Variants in MAP4 observed in about 807,000 individuals in gnomAD.
MAP4 encodes the protein microtubule-associated protein 4.
MAP4 carries 76 observed loss-of-function variants against 170.2 expected under a neutral mutation model. That is an observed-to-expected ratio of 0.45 (90% CI 0.37 to 0.54). The LOEUF (loss-of-function observed/expected upper bound fraction) is 0.54, where lower values mean the gene tolerates loss of function less well. MAP4 is among the 20% of genes least tolerant of loss of function. The pLI is 0.00. For synonymous variants in MAP4, 909 were observed against 994.5 expected, an observed-to-expected ratio of 0.91 and a Z score of 1.62; for missense variants, 2,506 against 2,748.0, an observed-to-expected ratio of 0.91 and a Z score of 1.97.
intron 1 of MAP4, among the ~76,000 whole-genome samples, chr3:48,012,854 TCTTTA>T (rs1428867391): frequency 1.3e-5 from 2 of 152,172 alleles, no homozygotes; most frequent in African/African-American, 4.8e-5. Context: ...GTTAAGCTAT[TCTTTA>T]CTTGTCACCA....
At position 47,851,488 on chromosome 3, in the gene MAP4, CA is replaced by C. The variant is rs1341720410; in HGVS notation, c.*1445del. 1 of 151,764 alleles carries C rather than the reference CA, an allele frequency of 6.6e-6. No individual in the cohort carries two copies. The highest frequency in any genetic ancestry group is 1.9e-4 in the East Asian group (1 of 5,138). The allele number at this position is 151,764 out of a possible 1,614,324, so 9.4% of individuals were successfully genotyped here. A position where few individuals can be genotyped will look rare whatever the true frequency, so the allele number is the denominator to read the frequency against. ...AAGTCTGGGGCAGCCTCCTCAGAGG[CA>C]AATCTACACTGCAGCCAATCCCCCT... On this transcript the variant is annotated 3_prime_UTR_variant, in exon 21 of 21. Transcript: ENST00000683076.
rs1276711677 is a variant in MAP4 at position 47,911,608 on chromosome 3, G to A, written c.2813C>T (p.Thr938Ile). 1 of 1,536,086 alleles carries A rather than the reference G, an allele frequency of 6.5e-7. No individual in the cohort carries two copies. The highest frequency in any genetic ancestry group is 2.0e-5 in the Admixed American group (1 of 51,002). ...CTCTTTAAGTCTGATATCCAAAGGG[G>A]TTTCTACATTGTATGCAGAAACTTC... The part of the protein sequence containing the change: ...LAEVSAYNVE[T>I]PLDIRLKEGC... The change falls in exon 9 of 21, where the codon ACC becomes ATC. Residue 938 changes from threonine to isoleucine, a missense_variant. Thr to Ile is a moderately conservative substitution (Grantham distance 89, BLOSUM62 -1). This residue lies in a region of MAP4 where 2,008 missense variants were observed against 2,206.0 expected (regional missense o/e 0.91). Coordinates refer to ENST00000683076, the MANE Select transcript of MAP4 (RefSeq NM_001385682.1). The surrounding 1 kb of genome is among the most constrained non-coding windows in gnomAD (Gnocchi z 4.0).
chr3:47,987,766 T>C (rs1305865257), intron 2 of MAP4, among the ~76,000 whole-genome samples: 1 of 152,196 alleles, frequency 6.6e-6, no homozygotes, highest in African/African-American at 2.4e-5. Context: ...ACTGGATTTG[T>C]CCTTGGCAAC....
intron 3 of MAP4, among the ~76,000 whole-genome samples, chr3:47,932,521 G>A (rs1255724951): frequency 2.0e-5 from 3 of 151,988 alleles, no homozygotes; most frequent in Non-Finnish European, 4.4e-5. Context: ...AAATGGCTGC[G>A]TCATTTTACA....
intron 2 of MAP4, among the ~76,000 whole-genome samples, chr3:47,979,983 C>T (rs1279165252): frequency 2.6e-5 from 4 of 151,984 alleles, no homozygotes; most frequent in Non-Finnish European, 5.9e-5. Context: ...TGCTACCACG[C>T]CTGCCTAATT....
At chr3:47,892,751 A>G in intron 10 of MAP4, 1 of 1,296,148 alleles carries the variant, frequency 7.7e-7, no homozygotes. Flanking sequence ...TGCTACTTTA[A>G]TCTGAGAATG....
At chr3:47,987,483 C>T (rs2100089463) in intron 2 of MAP4, 1 of 1,248,764 alleles carries the variant, frequency 8.0e-7, no homozygotes, top group Admixed American at 2.6e-5. Context: ...AAAGTTACAT[C>T]TAAATCCAAT....
chr3:48,083,609 C>T (rs1360584700), intron 1 of MAP4, among the ~76,000 whole-genome samples: 2 of 151,950 alleles, frequency 1.3e-5, no homozygotes, highest in East Asian at 3.9e-4. Context: ...TCTTGATCTG[C>T]CCACCTCAGC....
chr3:47,867,629 G>A (rs1286139854), intron 16 of MAP4, among the ~76,000 whole-genome samples: 3 of 152,218 alleles, frequency 2.0e-5, no homozygotes, highest in South Asian at 2.1e-4. Flanking sequence ...TGGTTCACAA[G>A]GCCCAGGCAG....
chr3:47,875,715 G>A lies in MAP4; in HGVS notation c.5727C>T (p.Ser1909=), dbSNP rs1312848220. The A allele has an allele frequency of 6.2e-7, 1 of 1,613,360 alleles. No homozygotes were observed. The highest frequency in any genetic ancestry group is 1.7e-5 in the Admixed American group (1 of 59,940). ...KRPAVASARP[S]ILPSKDVKPK... is the part of the protein sequence containing the mutation. Reference sequence around the variant, plus strand: ...GCTTCACGTCTTTTGAAGGTAAGATGGAAGGCCTGGCAGAGGCGACGGCAG... The same window carrying A: ...GCTTCACGTCTTTTGAAGGTAAGATAGAAGGCCTGGCAGAGGCGACGGCAG... The change falls in exon 12 of 21, where the codon TCC becomes TCT. Residue 1909 remains serine (S), a synonymous_variant. Transcript: ENST00000683076.
intron 2 of MAP4, among the ~76,000 whole-genome samples, chr3:47,986,544 T>G (rs2100088828): frequency 6.6e-6 from 1 of 152,112 alleles, no homozygotes; most frequent in Non-Finnish European, 1.5e-5. Context: ...TTTTGCCATG[T>G]TGGCCAGGCT....
chr3:48,005,533 G>A (rs2100101824), intron 1 of MAP4, among the ~76,000 whole-genome samples: 1 of 152,154 alleles, frequency 6.6e-6, no homozygotes, highest in South Asian at 2.1e-4. Context: ...TTGCAGCTCG[G>A]GGAGTTAAAA....
At chr3:47,941,527 C>T (rs549067048) in intron 3 of MAP4, among the ~76,000 whole-genome samples, 13 of 151,550 alleles carry the variant, frequency 8.6e-5, no homozygotes, top group African/African-American at 2.9e-4. Context: ...CCTGTAATCC[C>T]AGCACTTTGG....
chr3:48,079,891 A>G (rs1239580141), intron 1 of MAP4, among the ~76,000 whole-genome samples: 3 of 151,842 alleles, frequency 2.0e-5, no homozygotes, highest in Non-Finnish European at 4.4e-5. Context: ...CGGAGCTTGC[A>G]GTGAGCCGAG....
intron 3 of MAP4, among the ~76,000 whole-genome samples, chr3:47,963,702 C>T (rs1559620953): frequency 6.6e-6 from 1 of 152,152 alleles, no homozygotes; most frequent in East Asian, 1.9e-4. Context: ...AGGTGCTGGG[C>T]CACAGCAGTG....
chr3:47,855,141 G>A lies in MAP4; in HGVS notation c.6696+107C>T. ...TGGTGTGGGTGAAGACATGACTCCT[G>A]AAGAGACTGAGGGGCGGTGACAGGT... On this transcript the variant is annotated intron_variant, in intron 19 of 20. Transcript: ENST00000683076. This position sits in a 1 kb window ranked among gnomAD's most constrained non-coding sequence, Gnocchi z 5.1. 1 of 741,170 alleles carries A rather than the reference G, an allele frequency of 1.3e-6. No homozygotes were observed. The highest frequency in any genetic ancestry group is 1.9e-5 in the Admixed American group (1 of 52,376). 45.9% of individuals were successfully genotyped at this position (741,170 alleles called of 1,614,324 possible).
chr3:47,992,180 G>A (rs954628141), intron 2 of MAP4, among the ~76,000 whole-genome samples: 3 of 152,020 alleles, frequency 2.0e-5, no homozygotes, highest in African/African-American at 7.3e-5. Context: ...CTGTCATTAT[G>A]GCAAAAACCA....
intron 1 of MAP4, among the ~76,000 whole-genome samples, chr3:48,051,094 A>C (rs1163685877): frequency 1.6e-5 from 2 of 124,672 alleles, no homozygotes; most frequent in East Asian, 4.3e-4. Context: ...TTCAATTTCC[A>C]CACACACACA....
chr3:47,959,552 C>T (rs1205126101), intron 3 of MAP4, among the ~76,000 whole-genome samples: 4 of 151,508 alleles, frequency 2.6e-5, no homozygotes, highest in South Asian at 4.2e-4. Flanking sequence ...GTCAGGAGAT[C>T]GAGACCATCC....
Sources: gnomAD v4.1 joint callset for allele counts (sites outside exome capture counted in the v4.1 genomes callset) on GRCh38, gnomAD v4.1.1 for gene constraint, gnomAD v4.1.1 regional missense constraint, Gnocchi (gnomAD v3.1) non-coding constraint, MANE v1.5 for transcripts, NCBI Gene and HGNC (gene_info 2026-07-23, HGNC 2026-07-21) for gene names.